Variants in GRM5 observed in about 807,000 individuals in gnomAD.
GRM5 encodes the protein glutamate metabotropic receptor 5.
Under a neutral mutation model 83.1 loss-of-function variants are expected in GRM5, and 19 were observed. That is an observed-to-expected ratio of 0.23 (90% CI 0.16 to 0.34). The LOEUF (loss-of-function observed/expected upper bound fraction) is 0.34. GRM5 is among the 10% of genes least tolerant of loss of function. The pLI is 1.00. For synonymous variants in GRM5, 675 were observed against 633.6 expected, an observed-to-expected ratio of 1.07 and a Z score of -0.98; for missense variants, 1,160 against 1,588.3, an observed-to-expected ratio of 0.73 and a Z score of 4.58.
intron 2 of GRM5, among the ~76,000 whole-genome samples, chr11:88,898,404 A>G (rs1239157795): frequency 6.6e-6 from 1 of 151,932 alleles, no homozygotes; most frequent in Non-Finnish European, 1.5e-5. Context: ...CCTTTTTTGG[A>G]GGCGGGAACA....
At chr11:88,645,376 A>T (rs1939416971) in intron 4 of GRM5, among the ~76,000 whole-genome samples, 1 of 152,128 alleles carries the variant, frequency 6.6e-6, no homozygotes, top group African/African-American at 2.4e-5. Flanking sequence ...ATTGGAACTG[A>T]TACATGTCTT....
chr11:88,621,219 C>T (rs906597015), intron 4 of GRM5, among the ~76,000 whole-genome samples: 2 of 152,192 alleles, frequency 1.3e-5, no homozygotes, highest in African/African-American at 4.8e-5. Context: ...AACTCCTAGA[C>T]CAGACTTTTC....
At chr11:88,909,441 TCC>T (rs1945457697) in intron 2 of GRM5, among the ~76,000 whole-genome samples, 2 of 148,422 alleles carry the variant, frequency 1.3e-5, no homozygotes, top group Admixed American at 1.4e-4. Flanking sequence ...TACACTGCCA[TCC>T]CTTTTTTTTC....
intron 2 of GRM5, among the ~76,000 whole-genome samples, chr11:88,929,549 G>A (rs1164038633): frequency 3.9e-5 from 6 of 151,944 alleles, no homozygotes; most frequent in Non-Finnish European, 7.4e-5. Flanking sequence ...TAATACTAAC[G>A]AAAAGTCCGG....
intron 2 of GRM5, among the ~76,000 whole-genome samples, chr11:88,909,979 C>T (rs1565287905): frequency 6.6e-6 from 1 of 151,996 alleles, no homozygotes; most frequent in Non-Finnish European, 1.5e-5. Context: ...TCAGTGGCAT[C>T]ATACATATTC....
intron 2 of GRM5, among the ~76,000 whole-genome samples, chr11:88,971,113 G>C (rs1430175879): frequency 6.6e-6 from 1 of 151,492 alleles, no homozygotes; most frequent in African/African-American, 2.4e-5. Flanking sequence ...GTTGAAAATG[G>C]GACTTATGAA....
intron 2 of GRM5, among the ~76,000 whole-genome samples, chr11:88,881,912 T>C (rs1253520891): frequency 2.0e-5 from 3 of 152,298 alleles, no homozygotes; most frequent in South Asian, 2.1e-4. Context: ...TTGGAGTTCT[T>C]AGAAATTTTT....
At chr11:88,813,614 T>C (rs556852166) in intron 3 of GRM5, among the ~76,000 whole-genome samples, 1 of 152,258 alleles carries the variant, frequency 6.6e-6, no homozygotes, top group African/African-American at 2.4e-5. Flanking sequence ...GCCCCAGTTT[T>C]ATATCACAAC....
At chr11:88,618,575 A>G (rs903241789) in intron 4 of GRM5, among the ~76,000 whole-genome samples, 2 of 151,784 alleles carry the variant, frequency 1.3e-5, no homozygotes, top group African/African-American at 4.9e-5. Flanking sequence ...TGCTGCTGAC[A>G]GAAACATAAG....
At position 89,047,610 on chromosome 11, in the gene GRM5, T is replaced by C; in HGVS notation, c.263A>G (p.Asn88Ser). Residue 88 changes from asparagine (N) to serine (S), a missense_variant, in exon 2 of 10, where the codon AAC (asparagine) becomes AGC (serine). Around this residue, in one of 9 missense-constraint regions of GRM5, gnomAD observed 71 missense variants for 145.8 expected, o/e 0.49. Coordinates refer to ENST00000305447, the MANE Select transcript of GRM5 (RefSeq NM_001143831.3). The surrounding 1 kb of genome is among the most constrained non-coding windows in gnomAD (Gnocchi z 5.1). ...CCTTATCTCACAGCCCAGTGTGATG[T>C]TGGGCAAGAGTGTGGGGTCTGAATT... ...RINSDPTLLP[N>S]ITLGCEIRDS... 1.2e-6 allele frequency: 2 copies of C among 1,614,130 alleles called. No individual in the cohort carries two copies. The highest frequency in any genetic ancestry group is 1.7e-6 in the Non-Finnish European group (2 of 1,179,990).
intron 3 of GRM5, among the ~76,000 whole-genome samples, chr11:88,805,703 T>C (rs904334140): frequency 6.6e-6 from 1 of 152,192 alleles, no homozygotes; most frequent in African/African-American, 2.4e-5. Flanking sequence ...GTATGTCTTA[T>C]GGTTAATGTT....
chr11:88,865,091 G>C (rs1395598438), intron 2 of GRM5, among the ~76,000 whole-genome samples: 2 of 151,952 alleles, frequency 1.3e-5, no homozygotes, highest in East Asian at 3.9e-4. Flanking sequence ...CCATGCTCAT[G>C]AATAAGAAGA....
At chr11:88,835,031 A>G (rs563282101) in intron 3 of GRM5, among the ~76,000 whole-genome samples, 2 of 152,286 alleles carry the variant, frequency 1.3e-5, no homozygotes, top group African/African-American at 4.8e-5. Flanking sequence ...TGTGTTAGGT[A>G]TGAAAGGTAT....
chr11:88,647,790 C>T (rs1412679860), intron 4 of GRM5, among the ~76,000 whole-genome samples: 1 of 152,096 alleles, frequency 6.6e-6, no homozygotes, highest in Non-Finnish European at 1.5e-5. Context: ...CTACAATGAA[C>T]TCAAACAAAT....
intron 8 of GRM5, among the ~76,000 whole-genome samples, chr11:88,557,022 T>C (rs1296984193): frequency 1.3e-5 from 2 of 152,150 alleles, no homozygotes; most frequent in African/African-American, 4.8e-5. Context: ...CAAAATGAGA[T>C]ACATGCTTGA....
intron 1 of GRM5, among the ~76,000 whole-genome samples, chr11:89,065,563 G>T (rs1177232056): frequency 6.6e-6 from 1 of 152,040 alleles, no homozygotes; most frequent in African/African-American, 2.4e-5. Flanking sequence ...ACACGTCCTT[G>T]CAGGGTGACT....
intron 8 of GRM5, among the ~76,000 whole-genome samples, chr11:88,550,722 A>C (rs308793): frequency 0.56 from 84,928 of 151,990 alleles, 24,010 homozygotes; most frequent in Middle Eastern, 0.7. Context: ...CAAGAGGCTT[A>C]AATAGGAAGA....
At chr11:88,618,424 A>G (rs370519154) in intron 4 of GRM5, among the ~76,000 whole-genome samples, 187 of 152,246 alleles carry the variant, frequency 1.2e-3, no homozygotes, top group African/African-American at 4.2e-3. Flanking sequence ...AGTTATATTC[A>G]ATTCTTTTTT....
intron 3 of GRM5, among the ~76,000 whole-genome samples, chr11:88,793,727 C>CA (rs1391543732): frequency 2.0e-5 from 3 of 152,068 alleles, no homozygotes; most frequent in African/African-American, 7.2e-5. Flanking sequence ...ATACGGGAGT[C>CA]AGGAAGCACT....
Sources: gnomAD v4.1 joint callset for allele counts (sites outside exome capture counted in the v4.1 genomes callset) on GRCh38, gnomAD v4.1.1 for gene constraint, gnomAD v4.1.1 regional missense constraint, Gnocchi (gnomAD v3.1) non-coding constraint, MANE v1.5 for transcripts, NCBI Gene and HGNC (gene_info 2026-07-23, HGNC 2026-07-21) for gene names.